The following CACNA1C variants were observed in gnomAD, a reference collection of about 807,000 sequenced individuals.
CACNA1C encodes calcium voltage-gated channel subunit alpha1 C.
CACNA1C carries 30 observed loss-of-function variants against 229.0 expected under a neutral mutation model. That is an observed-to-expected ratio of 0.13 (90% CI 0.10 to 0.18). The LOEUF (loss-of-function observed/expected upper bound fraction) is 0.18. CACNA1C is among the 10% of genes least tolerant of loss of function. CACNA1C has a pLI of 1.00. For missense variants in CACNA1C, 1,658 were observed against 2,845.0 expected (o/e 0.58, Z 9.49); for synonymous variants, 1,114 against 1,132.5 (o/e 0.98, Z 0.33).
chr12:2,516,487 C>T (rs2099797116), intron 9 of CACNA1C, among the ~76,000 whole-genome samples: 1 of 152,106 alleles, frequency 6.6e-6, no homozygotes, highest in Non-Finnish European at 1.5e-5. Flanking sequence ...TGAAGGTGGG[C>T]CAGGGAGAGG....
intron 5 of CACNA1C, among the ~76,000 whole-genome samples, chr12:2,478,069 T>C (rs138003852): frequency 1.3e-5 from 2 of 152,202 alleles, no homozygotes; most frequent in Non-Finnish European, 2.9e-5. Context: ...AGAGAGAGTT[T>C]AGAGAGAGCC....
At chr12:2,044,237 A>G (rs893652756) in intron 1 of CACNA1C, among the ~76,000 whole-genome samples, 1 of 152,198 alleles carries the variant, frequency 6.6e-6, no homozygotes, top group Non-Finnish European at 1.5e-5. Flanking sequence ...TAGCTGGCAG[A>G]GGTACTTCAG....
At chr12:2,212,324 G>A (rs539523738) in intron 3 of CACNA1C, among the ~76,000 whole-genome samples, 1 of 152,218 alleles carries the variant, frequency 6.6e-6, no homozygotes, top group Non-Finnish European at 1.5e-5. Context: ...CGGGAATCCA[G>A]TGGTTGCCGC....
chr12:2,621,824 T>A (rs71458006), intron 29 of CACNA1C, among the ~76,000 whole-genome samples: 213 of 152,166 alleles, frequency 1.4e-3, no homozygotes, highest in Non-Finnish European at 2.8e-3. Context: ...AGAAACCAGT[T>A]TAAAGTGAGA....
intron 3 of CACNA1C, among the ~76,000 whole-genome samples, chr12:2,385,738 A>C (rs1357601594): frequency 6.6e-6 from 1 of 152,196 alleles, no homozygotes; most frequent in Non-Finnish European, 1.5e-5. Flanking sequence ...GGATAACTAT[A>C]AACTCCTTAA....
At chr12:2,568,593 G>A (rs1413427915) in intron 13 of CACNA1C, among the ~76,000 whole-genome samples, 1 of 152,196 alleles carries the variant, frequency 6.6e-6, no homozygotes, top group Non-Finnish European at 1.5e-5. Context: ...TCTTAAAAAG[G>A]AAGGAAATCC....
chr12:2,585,302 G>A lies in CACNA1C; in HGVS notation c.2340-74G>A. 2.7e-6 allele frequency: 4 copies of A among 1,489,386 alleles called. No homozygotes were observed. Among genetic ancestry groups the A allele is most frequent in the Non-Finnish European group, 3.6e-6 (4 of 1,104,862 alleles). The allele number at this position is 1,489,386 out of a possible 1,614,324, so 92.3% of individuals were successfully genotyped here. On this transcript the variant is annotated intron_variant, in intron 16 of 46. Coordinates refer to ENST00000399655, the MANE Select transcript of CACNA1C (RefSeq NM_000719.7). This position sits in a 1 kb window ranked among gnomAD's most constrained non-coding sequence, Gnocchi z 4.1. ...CCCTCTGGCCCCAACAGGCCACAGG[G>A]CGGTTCCCTCCTACACTGTTCCCTA...
intron 1 of CACNA1C, among the ~76,000 whole-genome samples, chr12:2,090,900 T>C (rs973068551): frequency 7.9e-5 from 12 of 151,832 alleles, no homozygotes; most frequent in Non-Finnish European, 1.5e-4. Flanking sequence ...CGCTGGCTCT[T>C]GTTAATTTCT....
Position 2,102,160 on chromosome 12 carries a change from T to C in CACNA1C, c.50-13064T>C, listed in dbSNP as rs142191068. Among the ~76,000 whole-genome samples the C allele has an allele frequency of 6.8e-3, 1,032 of 152,318 alleles. 9 individuals carry two copies. Among genetic ancestry groups the C allele is most frequent in the South Asian group, 0.03 (145 of 4,818 alleles). On this transcript the variant is annotated intron_variant, in intron 1 of 46. Transcript: ENST00000399655. Reference sequence around the variant, plus strand: ...AATGATAATAGATACATTGAACATATGGCAAACATACTAATTTAAAATAAC... The same window carrying C: ...AATGATAATAGATACATTGAACATACGGCAAACATACTAATTTAAAATAAC...
rs1602005148 is a variant in CACNA1C, at chr12:2,610,642, C to T, written c.3660C>T (p.Tyr1220=). 1 of 1,614,258 alleles carries T rather than the reference C, an allele frequency of 6.2e-7. No homozygotes were observed. Among genetic ancestry groups the T allele is most frequent in the Non-Finnish European group, 8.5e-7 (1 of 1,180,040 alleles). Residue 1220 remains tyrosine, a synonymous_variant, in exon 28 of 47, where the codon TAC becomes TAT. Coordinates refer to ENST00000399655, the MANE Select transcript of CACNA1C (RefSeq NM_000719.7). ...YKVWYVVNST[Y]FEYLMFVLIL... ...TGTGGTACGTGGTCAACTCCACCTA[C>T]TTCGAGTACCTGATGTTCGTCCTCA...
chr12:2,082,894 A>G (rs751762942), intron 1 of CACNA1C, among the ~76,000 whole-genome samples: 2 of 150,062 alleles, frequency 1.3e-5, no homozygotes, highest in Non-Finnish European at 3.0e-5. Context: ...GCACACACAT[A>G]TGTGTACATA....
rs1340269002 is a variant in CACNA1C at position 2,215,136 on chromosome 12, G to T, written c.477+94706G>T. 1.3e-5 allele frequency among the ~76,000 whole-genome samples: 2 copies of T among 152,186 alleles called. No homozygotes were observed. Among genetic ancestry groups the T allele is most frequent in the African/African-American group, 4.8e-5 (2 of 41,442 alleles). ...TGGGGAAACGAAGCCATGTTTGCCG[G>T]CATATCTGGGGTTCCCTGGTCACTG... On this transcript the variant is annotated intron_variant, in intron 3 of 46. Transcript: ENST00000399655. The surrounding 1 kb of genome is among the most constrained non-coding windows in gnomAD (Gnocchi z 5.0).
At chr12:2,015,419 G>A (rs1325567519) in intron 1 of CACNA1C, among the ~76,000 whole-genome samples, 3 of 152,138 alleles carry the variant, frequency 2.0e-5, no homozygotes, top group Non-Finnish European at 4.4e-5. Context: ...TGTTTGCCAG[G>A]GCCTAAGGTG....
intron 1 of CACNA1C, among the ~76,000 whole-genome samples, chr12:1,972,466 G>A (rs1565785061): frequency 6.6e-6 from 1 of 152,082 alleles, no homozygotes; most frequent in Non-Finnish European, 1.5e-5. Context: ...CTAGGCATTT[G>A]AAAGATCCCA....
chr12:2,323,978 T>A (rs899901984), intron 3 of CACNA1C, among the ~76,000 whole-genome samples: 2 of 152,152 alleles, frequency 1.3e-5, no homozygotes, highest in Admixed American at 1.3e-4. Flanking sequence ...GTCCTTCCAT[T>A]CCAGTTCTCC....
chr12:2,563,644 TA>T (rs1210767529), intron 11 of CACNA1C, among the ~76,000 whole-genome samples: 2 of 152,250 alleles, frequency 1.3e-5, no homozygotes, highest in Admixed American at 1.3e-4. Flanking sequence ...AAAGTCTTGG[TA>T]ACAGGATTTT....
intron 3 of CACNA1C, among the ~76,000 whole-genome samples, chr12:2,219,547 C>T (rs1336596826): frequency 6.6e-6 from 1 of 152,178 alleles, no homozygotes; most frequent in Non-Finnish European, 1.5e-5. Context: ...GGGACTGTGC[C>T]ACTCTTTCGG....
At position 2,287,115 on chromosome 12, in the gene CACNA1C, C is replaced by A. The variant is rs1475400811; in HGVS notation, c.478-161861C>A. Among the ~76,000 whole-genome samples, 4 of 152,370 alleles carry A rather than the reference C, an allele frequency of 2.6e-5. No individual in the cohort carries two copies. In the East Asian group the frequency reaches 7.7e-4, roughly 29 times the overall value. Reference sequence around the variant, plus strand: ...GCCTGCCCCCAGTTGACAGAGGGCTCTTTACCGTTAGGACCCCTTCTGGGT... The same window carrying A: ...GCCTGCCCCCAGTTGACAGAGGGCTATTTACCGTTAGGACCCCTTCTGGGT... On this transcript the variant is annotated intron_variant, in intron 3 of 46. Coordinates refer to ENST00000399655, the MANE Select transcript of CACNA1C (RefSeq NM_000719.7). This position sits in a 1 kb window ranked among gnomAD's most constrained non-coding sequence, Gnocchi z 4.6.
chr12:1,996,441 A>C (rs1185452605), intron 1 of CACNA1C, among the ~76,000 whole-genome samples: 1 of 151,734 alleles, frequency 6.6e-6, no homozygotes, highest in Non-Finnish European at 1.5e-5. Flanking sequence ...TCCTGTTGAG[A>C]CTGCCTTCCC....
Sources: allele counts gnomAD v4.1 joint callset (sites outside exome capture counted in the v4.1 genomes callset), GRCh38; gene constraint gnomAD v4.1.1; non-coding constraint Gnocchi (gnomAD v3.1); transcripts MANE v1.5; gene names NCBI Gene and HGNC (gene_info 2026-07-23, HGNC 2026-07-21).